Variants in LRTM1 observed in about 807,000 individuals in gnomAD.
The protein encoded by LRTM1 is leucine rich repeat transmembrane protein 1, also known as leucine-rich repeat and transmembrane domain-containing protein 1.
LRTM1 carries 38 observed loss-of-function variants against 32.4 expected under a neutral mutation model. That is an observed-to-expected ratio of 1.17 (90% confidence interval 0.91 to 1.54). LRTM1 has a LOEUF of 1.54. Ranked by LOEUF, LRTM1 falls within the 40% of genes most tolerant of loss-of-function variation. LRTM1 has a pLI of 0.00. For missense variants in LRTM1, 466 were observed against 415.4 expected (o/e 1.12, Z -1.06); for synonymous variants, 186 against 169.9 (o/e 1.09, Z -0.74).
chr3:54,929,927 G>A (rs773386176), upstream of LRTM1, among the ~76,000 whole-genome samples: 1 of 152,144 alleles, frequency 6.6e-6, no homozygotes, highest in Non-Finnish European at 1.5e-5. Context: ...GAACTAGAAA[G>A]TTACTAATAA....
chr3:54,960,889 T>C (rs1344128164), intron 1 of LRTM1, among the ~76,000 whole-genome samples: 1 of 152,234 alleles, frequency 6.6e-6, no homozygotes, highest in African/African-American at 2.4e-5. Flanking sequence ...GTCATTTATC[T>C]TGGACACCAA....
chr3:54,961,261 A>T (rs1702023860), intron 1 of LRTM1, among the ~76,000 whole-genome samples: 1 of 152,188 alleles, frequency 6.6e-6, no homozygotes, highest in Non-Finnish European at 1.5e-5. Flanking sequence ...AGAGATATTA[A>T]CCAAGCCATG....
chr3:54,960,569 C>T (rs1702007059), intron 1 of LRTM1, among the ~76,000 whole-genome samples: 1 of 152,112 alleles, frequency 6.6e-6, no homozygotes, highest in Non-Finnish European at 1.5e-5. Flanking sequence ...ATGCATATTG[C>T]TTTGATCTAA....
Position 54,918,650 on chromosome 3 carries a change from G to A in LRTM1, c.847C>T (p.Arg283Cys), listed in dbSNP as rs141801857. 7.2e-5 allele frequency: 116 copies of A among 1,614,028 alleles called. No individual in the cohort carries two copies. Among genetic ancestry groups the A allele is most frequent in the African/African-American group, 4.0e-5 (3 of 74,916 alleles). The stretch of plus-strand genomic sequence containing the variant: ...ATGATGACAGTGGCAATGGCATGAC[G>A]CAGGTTGGCCGGCCTTGGCTTGGGT... ...LKPKPRPANL[R>C]HAIATVIITG... Residue 283 changes from arginine to cysteine, a missense_variant, in exon 3 of 3, where the codon CGT (arginine) becomes TGT (cysteine). Physicochemically the swap from Arg to Cys is radical, Grantham distance 180. Coordinates refer to ENST00000273286, the MANE Select transcript of LRTM1 (RefSeq NM_020678.4).
chr3:54,966,517 G>A (rs1702154354), intron 1 of LRTM1, among the ~76,000 whole-genome samples: 1 of 152,128 alleles, frequency 6.6e-6, no homozygotes, highest in Non-Finnish European at 1.5e-5. Flanking sequence ...AATCATCTGG[G>A]ACACTTTTAA....
chr3:54,928,659 A>C (rs74396896), upstream of LRTM1, among the ~76,000 whole-genome samples: 131 of 152,210 alleles, frequency 8.6e-4, 1 homozygote, highest in East Asian at 0.016. Flanking sequence ...TGCCACAAAT[A>C]ACTTCTCAGC....
At chr3:54,948,033 C>T (rs1701657641) in intron 1 of LRTM1, among the ~76,000 whole-genome samples, 1 of 152,164 alleles carries the variant, frequency 6.6e-6, no homozygotes, top group East Asian at 1.9e-4. Context: ...CTTGGCCTTT[C>T]TCCTTCAATA....
At chr3:54,924,485 A>C (rs1700952788) in intron 2 of LRTM1, 134 bp downstream of exon 2, 1 of 701,180 alleles carries the variant, frequency 1.4e-6, no homozygotes, top group African/African-American at 1.8e-5. Context: ...CATACCGTGA[A>C]ATGGCACCGA....
intron 1 of LRTM1, among the ~76,000 whole-genome samples, chr3:54,955,809 C>T (rs568572017): frequency 5.3e-5 from 8 of 152,256 alleles, no homozygotes; most frequent in African/African-American, 1.9e-4. Context: ...GCCAGCCCCA[C>T]CTCACAGCCC....
chr3:54,964,705 T>G (rs987301276), intron 1 of LRTM1, among the ~76,000 whole-genome samples: 2 of 152,136 alleles, frequency 1.3e-5, no homozygotes, highest in South Asian at 2.1e-4. Context: ...AAGCTACACT[T>G]CTGTTTGTGG....
upstream of LRTM1, among the ~76,000 whole-genome samples, chr3:54,928,520 T>C (rs1701094029): frequency 2.0e-5 from 3 of 152,282 alleles, no homozygotes; most frequent in South Asian, 6.2e-4. Flanking sequence ...GTTTGCACCG[T>C]GCACTTCTTT....
chr3:54,944,744 G>C (rs1027861406), intron 1 of LRTM1, among the ~76,000 whole-genome samples: 1 of 152,052 alleles, frequency 6.6e-6, no homozygotes, highest in African/African-American at 2.4e-5. Context: ...TTTTATAGCA[G>C]CCTTTTCTTG....
intron 1 of LRTM1, among the ~76,000 whole-genome samples, chr3:54,945,361 G>A (rs372418868): frequency 3.9e-5 from 6 of 152,250 alleles, no homozygotes; most frequent in African/African-American, 1.2e-4. Flanking sequence ...TCTTGGCCTC[G>A]AAAGTGGCCA....
chr3:54,956,279 C>T (rs1365679912), intron 1 of LRTM1, among the ~76,000 whole-genome samples: 1 of 152,208 alleles, frequency 6.6e-6, no homozygotes, highest in Admixed American at 6.5e-5. Flanking sequence ...GCATGGTCTT[C>T]CCTTGGCTGT....
intron 1 of LRTM1, among the ~76,000 whole-genome samples, chr3:54,952,196 A>G (rs1429138934): frequency 1.3e-5 from 2 of 152,044 alleles, no homozygotes; most frequent in African/African-American, 4.8e-5. Flanking sequence ...GTTCTATACT[A>G]TTTCTTCCCT....
chr3:54,922,235 TC>T (rs916952590), intron 2 of LRTM1, among the ~76,000 whole-genome samples: 2 of 152,018 alleles, frequency 1.3e-5, no homozygotes, highest in Non-Finnish European at 2.9e-5. Context: ...GTACTAATTT[TC>T]CCAAAGACCA....
chr3:54,918,931 G>A, intron 2 of LRTM1, 39 bp from the exon 3 acceptor site: 1 of 1,463,530 alleles, frequency 6.8e-7, no homozygotes, highest in Non-Finnish European at 9.1e-7. Flanking sequence ...ACAAAGCCTT[G>A]ATACAACAGA....
At chr3:54,951,050 A>C (rs1327533184) in intron 1 of LRTM1, among the ~76,000 whole-genome samples, 4 of 152,220 alleles carry the variant, frequency 2.6e-5, no homozygotes, top group Non-Finnish European at 4.4e-5. Flanking sequence ...ATTCATAGAA[A>C]ATGTAACTTG....
At chr3:54,953,064 C>G (rs185593523) in intron 1 of LRTM1, among the ~76,000 whole-genome samples, 1 of 152,160 alleles carries the variant, frequency 6.6e-6, no homozygotes, top group African/African-American at 2.4e-5. Context: ...GGGGAGGAAA[C>G]CAGGATATGG....
Sources: gnomAD v4.1 joint callset for allele counts (sites outside exome capture counted in the v4.1 genomes callset) on GRCh38, gnomAD v4.1.1 for gene constraint, MANE v1.5 for transcripts, NCBI Gene and HGNC (gene_info 2026-07-23, HGNC 2026-07-21) for gene names.